NSD3: variants seen among roughly 807,000 people sequenced by gnomAD.
NSD3 encodes histone-lysine N-methyltransferase NSD3.
A neutral mutation model predicts 160.8 loss-of-function variants in NSD3; 24 were observed. The ratio of observed to expected loss-of-function variants is 0.15; its 90% CI spans 0.11 to 0.21. The LOEUF (loss-of-function observed/expected upper bound fraction) is 0.21. Ranked by LOEUF, NSD3 falls within the 10% of genes least tolerant of loss-of-function variation. The pLI is 1.00. For synonymous variants in NSD3, 520 were observed against 600.0 expected (o/e 0.87, Z 1.95); for missense variants, 1,157 against 1,735.9 (o/e 0.67, Z 5.93).
Position 38,343,361 on chromosome 8 carries a change from G to A in NSD3, c.675+4136C>T, listed in dbSNP as rs545610271. Among the ~76,000 whole-genome samples the A allele has an allele frequency of 1.5e-3, 222 of 152,166 alleles. 2 individuals are homozygous for A. Among genetic ancestry groups the A allele is most frequent in the African/African-American group, 5.1e-3 (210 of 41,524 alleles). On this transcript the variant is annotated intron_variant, in intron 2 of 23. Coordinates refer to ENST00000317025, the MANE Select transcript of NSD3 (RefSeq NM_023034.2). ...GAAAATTTTAAAGGTAATAAATTGT[G>A]CATTTTTATTTTACTTTCTGAATGA... is the stretch of plus-strand genomic sequence containing the variant.
At chr8:38,280,750 A>C (rs1450534228) in intron 20 of NSD3, among the ~76,000 whole-genome samples, 5 of 146,484 alleles carry the variant, frequency 3.4e-5, no homozygotes, top group Admixed American at 1.4e-4. Flanking sequence ...AGCGCTCATT[A>C]TTTTCTTTTT....
At chr8:38,334,935 T>C (rs1810175535) in intron 4 of NSD3, among the ~76,000 whole-genome samples, 2 of 151,948 alleles carry the variant, frequency 1.3e-5, no homozygotes, top group African/African-American at 4.8e-5. Context: ...CAAAATCGGT[T>C]TTTCCAGCAC....
intron 19 of NSD3, among the ~76,000 whole-genome samples, chr8:38,287,819 A>T (rs893073757): frequency 9.9e-5 from 15 of 151,990 alleles, no homozygotes; most frequent in African/African-American, 3.1e-4. Flanking sequence ...CGCCCGGCTA[A>T]TTTTTTGTAT....
In NSD3 at chr8:38,341,107, G is replaced by C. The variant is rs149169950; in HGVS notation, c.676-2500C>G. On this transcript the variant is annotated intron_variant, in intron 2 of 23. Transcript: ENST00000317025. ...TGGGCTATGACTGCACTCCAGCCTG[G>C]GTGATGGAGCGAAACCCCGTCTCTT... Among the ~76,000 whole-genome samples, 568 of 152,168 alleles carry C rather than the reference G, an allele frequency of 3.7e-3. 2 individuals are homozygous for C. The highest frequency in any genetic ancestry group is 0.013 in the African/African-American group (555 of 41,530).
chr8:38,350,254 T>C (rs1810655632), intron 1 of NSD3, among the ~76,000 whole-genome samples: 1 of 152,224 alleles, frequency 6.6e-6, no homozygotes, highest in African/African-American at 2.4e-5. Flanking sequence ...CCCTGAGGAA[T>C]CGCCACACTG....
chr8:38,303,952 G>A (rs1809335261), intron 14 of NSD3, among the ~76,000 whole-genome samples: 1 of 152,040 alleles, frequency 6.6e-6, no homozygotes, highest in Non-Finnish European at 1.5e-5. Flanking sequence ...TATTTATCAT[G>A]AACCCAAGTT....
In NSD3 at chr8:38,288,325, C is replaced by T. The variant is rs1292316166; in HGVS notation, c.3501+162G>A. 6.6e-6 allele frequency among the ~76,000 whole-genome samples: 1 copy of T among 152,198 alleles called. No homozygotes were observed. Among genetic ancestry groups the T allele is most frequent in the Non-Finnish European group, 1.5e-5 (1 of 68,034 alleles). ...ACATTTTATCACTATCTTCTTCCTA[C>T]TACTCTTCTTTGCTCAAGAAGTACC... On this transcript the variant is annotated intron_variant, in intron 19 of 23. Transcript: ENST00000317025. The surrounding 1 kb of genome is among the most constrained non-coding windows in gnomAD (Gnocchi z 4.5).
chr8:38,339,775 A>C (rs190884750), intron 2 of NSD3, among the ~76,000 whole-genome samples: 15 of 152,112 alleles, frequency 9.9e-5, no homozygotes, highest in Admixed American at 9.8e-4. Context: ...TTAGGGAGGC[A>C]ATTTGGAAGT....
At chr8:38,326,939 A>AATGATC in intron 6 of NSD3, 83 bp from the exon 7 acceptor site, 1 of 1,457,344 alleles carries the variant, frequency 6.9e-7, no homozygotes, top group Admixed American at 2.3e-5. Flanking sequence ...GATGGCTTAA[A>AATGATC]ATGATCATAA....
In NSD3 at chr8:38,316,711, T is replaced by C; in HGVS notation, c.1856-669A>G. 2 of 1,056,394 alleles carry C rather than the reference T, an allele frequency of 1.9e-6. No homozygotes were observed. The highest frequency in any genetic ancestry group is 2.3e-6 in the Non-Finnish European group (2 of 873,716). The allele number at this position is 1,056,394 out of a possible 1,614,324, so 65.4% of individuals were successfully genotyped here. ...TGTAAATGGACAATCAGTGTTCAAGTGCAGCCAAATCACGTAGAGCTGGAT... is the reference window on the plus strand; with the variant it reads ...TGTAAATGGACAATCAGTGTTCAAGCGCAGCCAAATCACGTAGAGCTGGAT... On this transcript the variant is annotated intron_variant, in intron 9 of 23. Transcript: ENST00000317025. This position sits in a 1 kb window ranked among gnomAD's most constrained non-coding sequence, Gnocchi z 4.5.
chr8:38,279,781 C>CTGG (rs1398128440), intron 20 of NSD3, 100 bp from the exon 21 acceptor site: 1 of 1,355,666 alleles, frequency 7.4e-7, no homozygotes, highest in Non-Finnish European at 1.0e-6. Flanking sequence ...TTGCTACCAA[C>CTGG]TGGTGTTTGA....
At chr8:38,291,253 CAG>C (rs1392065281) in intron 16 of NSD3, among the ~76,000 whole-genome samples, 1 of 152,058 alleles carries the variant, frequency 6.6e-6, no homozygotes, top group Non-Finnish European at 1.5e-5. Context: ...GAATAGTGGA[CAG>C]AATGAAAATA....
At chr8:38,356,603 T>G (rs1488980356) in intron 1 of NSD3, among the ~76,000 whole-genome samples, 1 of 152,140 alleles carries the variant, frequency 6.6e-6, no homozygotes, top group Non-Finnish European at 1.5e-5. Context: ...GTTACGTGTT[T>G]CAGATGAACA....
chr8:38,323,480 T>G (rs61598076), intron 7 of NSD3, among the ~76,000 whole-genome samples: 18 of 152,232 alleles, frequency 1.2e-4, no homozygotes, highest in African/African-American at 4.3e-4. Context: ...AAAGGAAATA[T>G]TCATAGCAGA....
chr8:38,315,595 CAAGAT>C, intron 10 of NSD3, 51 bp from the exon 11 acceptor site: 1 of 1,600,668 alleles, frequency 6.2e-7, no homozygotes, highest in Non-Finnish European at 8.5e-7. Context: ...AAATTCCCTC[CAAGAT>C]AAGATGCTAT....
intron 20 of NSD3, 40 bp from the exon 21 acceptor site, chr8:38,279,721 G>A (rs1312688053): frequency 6.3e-7 from 1 of 1,590,392 alleles, no homozygotes; most frequent in Non-Finnish European, 8.6e-7. Context: ...CATAAATTAA[G>A]TCTCTCCCAG....
At chr8:38,350,416 T>C (rs1810661064) in intron 1 of NSD3, among the ~76,000 whole-genome samples, 1 of 152,240 alleles carries the variant, frequency 6.6e-6, no homozygotes, top group African/African-American at 2.4e-5. Context: ...TAGTTTTGAT[T>C]TGCATTTGTC....
intron 16 of NSD3, among the ~76,000 whole-genome samples, chr8:38,292,458 C>A (rs1230266640): frequency 1.3e-5 from 2 of 151,672 alleles, no homozygotes; most frequent in East Asian, 3.9e-4. Context: ...ACCAGCCTGG[C>A]CAACATGGTG....
At chr8:38,360,709 T>G (rs1007287853) in intron 1 of NSD3, among the ~76,000 whole-genome samples, 1 of 152,236 alleles carries the variant, frequency 6.6e-6, no homozygotes, top group African/African-American at 2.4e-5. Flanking sequence ...GAAAGAACTC[T>G]AAGCTGCTGA....
Sources: allele counts gnomAD v4.1 joint callset (sites outside exome capture counted in the v4.1 genomes callset), GRCh38; gene constraint gnomAD v4.1.1; non-coding constraint Gnocchi (gnomAD v3.1); transcripts MANE v1.5; gene names NCBI Gene and HGNC (gene_info 2026-07-23, HGNC 2026-07-21).